Variants in MSRA observed in about 807,000 individuals in gnomAD.
MSRA encodes the protein mitochondrial peptide methionine sulfoxide reductase.
In MSRA, 54 loss-of-function variants were observed where a neutral mutation model predicts 31.3. That is an observed-to-expected ratio of 1.73 (90% confidence interval 1.39 to 2.17). The LOEUF (loss-of-function observed/expected upper bound fraction) is 2.17. Among genes scored for constraint, MSRA ranks in the 30% most tolerant of loss-of-function variants. The pLI, the probability that MSRA is intolerant of heterozygous loss-of-function variation, is 0.00. For synonymous variants in MSRA, 169 were observed against 116.5 expected (o/e 1.45, Z -2.90); for missense variants, 507 against 300.9 (o/e 1.69, Z -5.07).
intron 5 of MSRA, among the ~76,000 whole-genome samples, chr8:10,423,043 C>A (rs1177282203): frequency 6.6e-6 from 1 of 152,174 alleles, no homozygotes. Context: ...ACGGGTGCAG[C>A]CTCCTTATTG....
rs777951574 is a variant in MSRA, at chr8:10,245,251, C to G, written c.331+28C>G. 186 of 1,605,454 alleles carry G rather than the reference C, an allele frequency of 1.2e-4. 1 individual carries two copies. Among genetic ancestry groups the G allele is most frequent in the Non-Finnish European group, 1.5e-4 (172 of 1,175,424 alleles). ...AGGAAGAATTTGCTTTATTGTATTA[C>G]TAGGAGAAACAAGGGAGGGCTTGTC... On this transcript the variant is annotated intron_variant, in intron 3 of 5. Transcript: ENST00000317173.
chr8:10,205,308 T>C (rs1808860781), intron 1 of MSRA, among the ~76,000 whole-genome samples: 1 of 148,720 alleles, frequency 6.7e-6, no homozygotes, highest in African/African-American at 2.5e-5. Flanking sequence ...AAAAAAGAAG[T>C]GAGGGGGATG....
At chr8:10,192,404 G>A (rs932793582) in intron 1 of MSRA, among the ~76,000 whole-genome samples, 3 of 152,258 alleles carry the variant, frequency 2.0e-5, no homozygotes, top group Admixed American at 6.5e-5. Context: ...AGATGAGACC[G>A]CAGCCCAGCT....
At chr8:10,242,659 C>T (rs6992153) in intron 2 of MSRA, among the ~76,000 whole-genome samples, 115,324 of 152,148 alleles carry the variant, frequency 0.76, 43,957 homozygotes, top group Admixed American at 0.8. Context: ...TCATAATGAT[C>T]ACCAGATTAT....
chr8:10,231,148 G>A (rs1388910757), intron 2 of MSRA, among the ~76,000 whole-genome samples: 1 of 152,160 alleles, frequency 6.6e-6, no homozygotes, highest in African/African-American at 2.4e-5. Flanking sequence ...GAGACTGACT[G>A]GAAGGGATGA....
intron 5 of MSRA, among the ~76,000 whole-genome samples, chr8:10,394,418 T>C (rs1015129426): frequency 2.6e-5 from 4 of 152,228 alleles, no homozygotes; most frequent in African/African-American, 9.6e-5. Flanking sequence ...GAATTAATGT[T>C]GTATCAAAGA....
intron 4 of MSRA, 47 bp downstream of exon 4, chr8:10,301,685 C>G (rs1167081064): frequency 1.4e-6 from 2 of 1,463,440 alleles, no homozygotes; most frequent in African/African-American, 2.8e-5. Context: ...CTAATTACAG[C>G]TGGGATAATT....
chr8:10,397,846 A>T (rs7840461), intron 5 of MSRA, among the ~76,000 whole-genome samples: 48,385 of 152,082 alleles, frequency 0.32, 10,803 homozygotes, highest in East Asian at 0.76. Flanking sequence ...TATTCCTGTC[A>T]TTCTAAATTA....
At chr8:10,362,081 C>T (rs1414394633) in intron 5 of MSRA, among the ~76,000 whole-genome samples, 1 of 152,178 alleles carries the variant, frequency 6.6e-6, no homozygotes, top group African/African-American at 2.4e-5. Flanking sequence ...CCCATTCCAA[C>T]TTTGCCCTCA....
intron 2 of MSRA, among the ~76,000 whole-genome samples, chr8:10,234,878 A>T (rs1811820235): frequency 6.6e-6 from 1 of 152,108 alleles, no homozygotes; most frequent in African/African-American, 2.4e-5. Flanking sequence ...TAGCAAGAGG[A>T]TAATAAGACT....
At chr8:10,072,249 C>CTTAG (rs1797771755) in intron 1 of MSRA, among the ~76,000 whole-genome samples, 1 of 151,714 alleles carries the variant, frequency 6.6e-6, no homozygotes, top group Admixed American at 6.6e-5. Flanking sequence ...AGGGCCCATT[C>CTTAG]TTAGGCCACT....
At chr8:10,426,433 C>T (rs1175119633) in intron 5 of MSRA, among the ~76,000 whole-genome samples, 3 of 152,262 alleles carry the variant, frequency 2.0e-5, no homozygotes, top group Non-Finnish European at 2.9e-5. Flanking sequence ...TGATGGCATT[C>T]CACGGACTCT....
chr8:10,307,687 T>A (rs1042249057), intron 4 of MSRA, among the ~76,000 whole-genome samples: 1 of 152,226 alleles, frequency 6.6e-6, no homozygotes, highest in African/African-American at 2.4e-5. Flanking sequence ...GTTGGATGCG[T>A]GGAGCTTTTG....
intron 5 of MSRA, among the ~76,000 whole-genome samples, chr8:10,369,046 G>A (rs1805328334): frequency 6.6e-6 from 1 of 152,154 alleles, no homozygotes; most frequent in South Asian, 2.1e-4. Context: ...AAGAATAAGT[G>A]TTAGAATCCA....
intron 5 of MSRA, 39 bp from the exon 6 acceptor site, chr8:10,428,109 T>A: frequency 6.3e-7 from 1 of 1,594,292 alleles, no homozygotes; most frequent in Non-Finnish European, 8.5e-7. Flanking sequence ...GCTGTCTCTC[T>A]AGCATGGGAG....
At chr8:10,235,009 C>T (rs1300385082) in intron 2 of MSRA, among the ~76,000 whole-genome samples, 5 of 152,052 alleles carry the variant, frequency 3.3e-5, no homozygotes, top group Non-Finnish European at 7.4e-5. Flanking sequence ...AATCAGATGT[C>T]TCAATTTGCC....
intron 4 of MSRA, among the ~76,000 whole-genome samples, chr8:10,310,760 C>G (rs796178209): frequency 4.2e-4 from 64 of 152,326 alleles, no homozygotes; most frequent in African/African-American, 1.5e-3. Flanking sequence ...AAAATCGAAG[C>G]CTGATGTTCT....
chr8:10,343,487 C>G (rs1390696654), intron 5 of MSRA, among the ~76,000 whole-genome samples: 1 of 152,118 alleles, frequency 6.6e-6, no homozygotes, highest in Admixed American at 6.5e-5. Context: ...TTTTCTTTTT[C>G]TTGTTTTTCC....
At position 10,068,837 on chromosome 8, in the gene MSRA, A is replaced by C. The variant is rs145000674; in HGVS notation, c.142+14179A>C. Among the ~76,000 whole-genome samples the C allele has an allele frequency of 3.3e-3, 506 of 152,308 alleles. 4 individuals carry two copies. The highest frequency in any genetic ancestry group is 0.012 in the African/African-American group (489 of 41,556). On this transcript the variant is annotated intron_variant, in intron 1 of 5. Coordinates refer to ENST00000317173, the MANE Select transcript of MSRA (RefSeq NM_012331.5). ...AATAACTTGCTGGGATTTTGATTGC[A>C]ATGATAGGGTTGCACTGAATCTCCA... is the stretch of plus-strand genomic sequence containing the variant.
Sources: gnomAD v4.1 joint callset for allele counts (sites outside exome capture counted in the v4.1 genomes callset) on GRCh38, gnomAD v4.1.1 for gene constraint, MANE v1.5 for transcripts, NCBI Gene and HGNC (gene_info 2026-07-23, HGNC 2026-07-21) for gene names.